CTNNA3: variants seen among roughly 807,000 people sequenced by gnomAD.
The protein encoded by CTNNA3 is catenin alpha-3.
In CTNNA3, 76 loss-of-function variants were observed where a neutral mutation model predicts 95.7. The observed-to-expected ratio is 0.79, with a 90% CI of 0.66 to 0.96. CTNNA3 has a LOEUF of 0.96. Ranked by LOEUF, CTNNA3 falls within the 40% of genes least tolerant of loss-of-function variation. CTNNA3 has a pLI of 0.00. For synonymous variants in CTNNA3, 431 were observed against 374.4 expected, an observed-to-expected ratio of 1.15 and a Z score of -1.74; for missense variants, 1,191 against 1,089.8, an observed-to-expected ratio of 1.09 and a Z score of -1.31.
intron 7 of CTNNA3, among the ~76,000 whole-genome samples, chr10:66,961,329 TA>T (rs1398998382): frequency 1.3e-5 from 2 of 152,130 alleles, no homozygotes; most frequent in Non-Finnish European, 2.9e-5. Context: ...AGGCCATCAA[TA>T]AACTCCACAT....
intron 7 of CTNNA3, among the ~76,000 whole-genome samples, chr10:66,872,719 G>T (rs1355075651): frequency 6.6e-6 from 1 of 151,020 alleles, no homozygotes; most frequent in Non-Finnish European, 1.5e-5. Context: ...TTTGATTCAG[G>T]TGGTACACGT....
chr10:66,630,921 A>G (rs1345826810), intron 9 of CTNNA3, among the ~76,000 whole-genome samples: 1 of 152,194 alleles, frequency 6.6e-6, no homozygotes, highest in African/African-American at 2.4e-5. Context: ...GGGAAATGAT[A>G]GAAGTCAAAA....
At chr10:66,631,638 C>T (rs965958825) in intron 9 of CTNNA3, among the ~76,000 whole-genome samples, 1 of 152,058 alleles carries the variant, frequency 6.6e-6, no homozygotes, top group African/African-American at 2.4e-5. Context: ...TTCTTAATCT[C>T]AAACAAAATC....
chr10:67,214,491 C>A (rs1864267637), intron 6 of CTNNA3, among the ~76,000 whole-genome samples: 1 of 151,828 alleles, frequency 6.6e-6, no homozygotes, highest in Non-Finnish European at 1.5e-5. Flanking sequence ...ACAAAGTATA[C>A]ATAGTTATTA....
At chr10:66,543,330 T>C (rs1304390175) in intron 10 of CTNNA3, among the ~76,000 whole-genome samples, 1 of 152,092 alleles carries the variant, frequency 6.6e-6, no homozygotes, top group Admixed American at 6.5e-5. Flanking sequence ...GACCTCGTGA[T>C]CCACCCACCT....
chr10:67,391,029 C>G (rs1243719546), intron 5 of CTNNA3, among the ~76,000 whole-genome samples: 2 of 152,040 alleles, frequency 1.3e-5, no homozygotes, highest in African/African-American at 4.8e-5. Flanking sequence ...CACTCCTATT[C>G]AACATAGTGT....
chr10:66,683,991 T>A (rs892902593), intron 9 of CTNNA3, among the ~76,000 whole-genome samples: 7 of 152,148 alleles, frequency 4.6e-5, no homozygotes, highest in African/African-American at 1.4e-4. Context: ...GGGATTTTGG[T>A]CAATGGTAAA....
intron 7 of CTNNA3, among the ~76,000 whole-genome samples, chr10:66,960,922 T>C (rs1849074533): frequency 6.6e-6 from 1 of 152,162 alleles, no homozygotes; most frequent in South Asian, 2.1e-4. Flanking sequence ...TTCTTAAGTT[T>C]TTTTGCTAAG....
At chr10:67,394,045 T>C (rs1473118420) in intron 5 of CTNNA3, among the ~76,000 whole-genome samples, 2 of 152,172 alleles carry the variant, frequency 1.3e-5, no homozygotes, top group Non-Finnish European at 2.9e-5. Flanking sequence ...TGGAAGAAGC[T>C]GTTTAAACAT....
At chr10:66,330,851 C>T (rs113224874) in intron 12 of CTNNA3, among the ~76,000 whole-genome samples, 4,449 of 27,658 alleles carry the variant, frequency 0.16, 205 homozygotes, top group African/African-American at 0.21. Context: ...ATGTGTTTTT[C>T]GGCTGCATAA....
At chr10:65,941,889 G>C (rs981329246) in intron 17 of CTNNA3, among the ~76,000 whole-genome samples, 1 of 152,094 alleles carries the variant, frequency 6.6e-6, no homozygotes, top group African/African-American at 2.4e-5. Context: ...ATTTTGAAAA[G>C]AATTAACCCT....
chr10:66,465,804 T>C (rs181766785), intron 11 of CTNNA3, among the ~76,000 whole-genome samples: 37 of 152,248 alleles, frequency 2.4e-4, no homozygotes, highest in African/African-American at 8.9e-4. Flanking sequence ...TCCAAGAGAT[T>C]ATCTGATAGG....
intron 6 of CTNNA3, among the ~76,000 whole-genome samples, chr10:67,215,491 G>A (rs1864316469): frequency 6.6e-6 from 1 of 152,054 alleles, no homozygotes; most frequent in African/African-American, 2.4e-5. Context: ...GTTTCCTTCT[G>A]GCAGATCTCT....
chr10:66,331,044 T>G (rs2092321015), intron 12 of CTNNA3, among the ~76,000 whole-genome samples: 1 of 152,026 alleles, frequency 6.6e-6, no homozygotes, highest in African/African-American at 2.4e-5. Context: ...GGTAGTTTCT[T>G]TTGCTGTGCA....
intron 13 of CTNNA3, among the ~76,000 whole-genome samples, chr10:66,123,559 G>C (rs1367726772): frequency 6.6e-6 from 1 of 152,170 alleles, no homozygotes; most frequent in Non-Finnish European, 1.5e-5. Context: ...CAGTGCCCCA[G>C]TAGGGACTCT....
At chr10:66,181,736 A>T (rs190660919) in intron 13 of CTNNA3, among the ~76,000 whole-genome samples, 1 of 152,330 alleles carries the variant, frequency 6.6e-6, no homozygotes, top group Non-Finnish European at 1.5e-5. Context: ...CAGTGTTACA[A>T]TTGTTATTTT....
intron 7 of CTNNA3, among the ~76,000 whole-genome samples, chr10:66,984,935 G>A (rs1357509257): frequency 2.0e-5 from 3 of 151,768 alleles, no homozygotes; most frequent in Non-Finnish European, 4.4e-5. Context: ...ATTAATTCAA[G>A]GTAGGCACCT....
chr10:66,340,545 C>T (rs1038565377), intron 12 of CTNNA3, among the ~76,000 whole-genome samples: 1 of 151,628 alleles, frequency 6.6e-6, no homozygotes, highest in Non-Finnish European at 1.5e-5. Context: ...CAGGAAGGAG[C>T]CTATACTATT....
rs781161525 is a variant in CTNNA3, at chr10:66,927,675, C to A, written c.1048-152151G>T. 3 of 1,613,994 alleles carry A rather than the reference C, an allele frequency of 1.9e-6. No homozygotes were observed. Among genetic ancestry groups the A allele is most frequent in the Non-Finnish European group, 1.7e-6 (2 of 1,180,040 alleles). On this transcript the variant is annotated intron_variant, in intron 7 of 17. Transcript: ENST00000433211. The surrounding 1 kb of genome is among the most constrained non-coding windows in gnomAD (Gnocchi z 4.7). ...GACAGACCATGTCCTGGACCTGGAG[C>A]TCCTTACAAAGGCTTGATTTATCAG...
Sources: allele counts gnomAD v4.1 joint callset (sites outside exome capture counted in the v4.1 genomes callset), GRCh38; gene constraint gnomAD v4.1.1; non-coding constraint Gnocchi (gnomAD v3.1); transcripts MANE v1.5; gene names NCBI Gene and HGNC (gene_info 2026-07-23, HGNC 2026-07-21).